The following CPM variants were observed in gnomAD, a reference collection of about 807,000 sequenced individuals.
CPM encodes the protein renal carboxypeptidase.
Under a neutral mutation model 46.4 loss-of-function variants are expected in CPM, and 35 were observed. The observed-to-expected ratio is 0.75, with a 90% CI of 0.58 to 1.00. The LOEUF is 1.00. CPM is among the 50% of genes least tolerant of loss of function. CPM has a pLI of 0.00. For missense variants in CPM, 422 were observed against 530.4 expected, an observed-to-expected ratio of 0.80 and a Z score of 2.01; for synonymous variants, 195 against 195.3, an observed-to-expected ratio of 1.00 and a Z score of 0.01.
intron 2 of CPM, among the ~76,000 whole-genome samples, chr12:68,903,876 C>CTCCTTCTTTCTT (rs1887223182): frequency 7.5e-6 from 1 of 133,210 alleles, no homozygotes; most frequent in African/African-American, 3.0e-5. Context: ...CTCCCTTTCT[C>CTCCTTCTTTCTT]TCATTCTTTC....
At position 68,899,880 on chromosome 12, in the gene CPM, G is replaced by A. The variant is rs944827070; in HGVS notation, c.161-13991C>T. ...GCATATTGGTGTTTTTTGGGATGAT[G>A]TGACATGCCATTTATCACTTCTAAT... On this transcript the variant is annotated intron_variant, in intron 2 of 8. Coordinates refer to ENST00000551568, the MANE Select transcript of CPM (RefSeq NM_198320.5). 3.3e-5 allele frequency among the ~76,000 whole-genome samples: 5 copies of A among 152,328 alleles called. No homozygotes were observed. The South Asian group carries it at 1.0e-3, about 32-fold the overall frequency.
rs547775682 is a variant in CPM, at chr12:68,856,239, C to T, written c.*198G>A. ...TGTTAGGTAAGTGTCTTCCATTCAC[C>T]GTCAAGACTGAATCATTCTTTTCAT... On this transcript the variant is annotated 3_prime_UTR_variant, in exon 9 of 9. Transcript: ENST00000551568. The T allele has an allele frequency of 1.5e-5, 9 of 609,422 alleles. No homozygotes were observed. The highest frequency in any genetic ancestry group is 4.5e-4 in the Middle Eastern group (1 of 2,230). 37.8% of individuals were successfully genotyped at this position (609,422 alleles called of 1,614,324 possible).
At chr12:68,944,757 G>A (rs2136332235) in intron 1 of CPM, among the ~76,000 whole-genome samples, 1 of 151,794 alleles carries the variant, frequency 6.6e-6, no homozygotes, top group African/African-American at 2.4e-5. Context: ...TGACAAGGCA[G>A]CAGAGCAGAA....
chr12:68,892,804 T>C (rs534036719), intron 2 of CPM, among the ~76,000 whole-genome samples: 3 of 151,948 alleles, frequency 2.0e-5, no homozygotes, highest in African/African-American at 4.8e-5. Context: ...GGTTGCACCA[T>C]TGCACTTCAG....
Position 68,932,795 on chromosome 12 carries a change from C to G in CPM, c.43G>C (p.Val15Leu). Residue 15 changes from valine to leucine, a missense_variant, in exon 2 of 9, where the codon GTA (valine) becomes CTA (leucine). Coordinates refer to ENST00000551568, the MANE Select transcript of CPM (RefSeq NM_198320.5). Reference protein sequence around the residue: ...CLWLGLLLPLVAALDFNYHRQ... With the variant: ...CLWLGLLLPLLAALDFNYHRQ... ...TGGTAGTTGAAATCCAGCGCAGCTA[C>G]CAAAGGCAGCAACAGCCCTAGCCAG... 1 of 1,614,158 alleles carries G rather than the reference C, an allele frequency of 6.2e-7. No individual in the cohort carries two copies. The highest frequency in any genetic ancestry group is 8.5e-7 in the Non-Finnish European group (1 of 1,180,012).
chr12:68,893,765 A>G (rs1219801464), intron 2 of CPM, among the ~76,000 whole-genome samples: 1 of 152,176 alleles, frequency 6.6e-6, no homozygotes, highest in Non-Finnish European at 1.5e-5. Context: ...CGTTGCACAG[A>G]TTCTGGTGTG....
rs955351765 is a variant in CPM, at chr12:68,860,899, T to C, written c.941-1828A>G. Among the ~76,000 whole-genome samples, 5 of 151,736 alleles carry C rather than the reference T, an allele frequency of 3.3e-5. No homozygotes were observed. The East Asian group carries it at 9.6e-4, about 29-fold the overall frequency. On this transcript the variant is annotated intron_variant, in intron 7 of 8. Coordinates refer to ENST00000551568, the MANE Select transcript of CPM (RefSeq NM_198320.5). The stretch of plus-strand genomic sequence containing the variant: ...TCCTTTCTTCTTCTTTTTTTTTTTT[T>C]AGACAGGGTCTTGCTCTGTCACCCA...
At chr12:68,863,681 T>C (rs1010560446) in intron 7 of CPM, among the ~76,000 whole-genome samples, 7 of 152,260 alleles carry the variant, frequency 4.6e-5, no homozygotes, top group African/African-American at 1.7e-4. Flanking sequence ...ACAAAACAGC[T>C]TGGGCTCTAC....
intron 2 of CPM, chr12:68,913,728 C>T: frequency 2.5e-6 from 1 of 403,850 alleles, no homozygotes; most frequent in South Asian, 2.1e-5. Flanking sequence ...TGGCAGACTT[C>T]AGGCTACTCA....
intron 2 of CPM, among the ~76,000 whole-genome samples, chr12:68,889,146 T>C (rs1592664239): frequency 6.6e-6 from 1 of 152,300 alleles, no homozygotes; most frequent in East Asian, 1.9e-4. Flanking sequence ...TCATTAAAGT[T>C]TGAAAGTTGC....
At chr12:68,891,846 C>G (rs1227473789) in intron 2 of CPM, among the ~76,000 whole-genome samples, 7 of 152,140 alleles carry the variant, frequency 4.6e-5, no homozygotes, top group African/African-American at 1.7e-4. Flanking sequence ...AAACGACTCT[C>G]ATGTCTCAGT....
At chr12:68,887,968 A>G (rs1020285914) in intron 2 of CPM, among the ~76,000 whole-genome samples, 5 of 152,136 alleles carry the variant, frequency 3.3e-5, no homozygotes, top group Admixed American at 6.5e-5. Flanking sequence ...TTAACCTTCC[A>G]TTCCCCAACC....
At chr12:68,910,720 T>C (rs545073881) in intron 2 of CPM, among the ~76,000 whole-genome samples, 1 of 152,282 alleles carries the variant, frequency 6.6e-6, no homozygotes, top group East Asian at 1.9e-4. Context: ...CTCAGTGGCA[T>C]TAACTAGATG....
chr12:68,942,539 T>C (rs1281270814), intron 1 of CPM, among the ~76,000 whole-genome samples: 1 of 152,216 alleles, frequency 6.6e-6, no homozygotes, highest in African/African-American at 2.4e-5. Context: ...CACTCTCTGA[T>C]TTTTAATTAT....
At chr12:68,945,576 C>T (rs1888833015) in intron 1 of CPM, among the ~76,000 whole-genome samples, 1 of 152,118 alleles carries the variant, frequency 6.6e-6, no homozygotes, top group Admixed American at 6.5e-5. Flanking sequence ...GTATGTATTC[C>T]CAGGTGCCTT....
intron 4 of CPM, 145 bp downstream of exon 4, chr12:68,871,639 C>T: frequency 1.1e-6 from 1 of 894,788 alleles, no homozygotes; most frequent in Non-Finnish European, 1.7e-6. Context: ...CCTGATGTGC[C>T]TTGAGCTTTG....
chr12:68,919,225 T>C (rs139912243), intron 2 of CPM, among the ~76,000 whole-genome samples: 265 of 152,330 alleles, frequency 1.7e-3, no homozygotes, highest in African/African-American at 5.9e-3. Flanking sequence ...GTAACTGCTA[T>C]GTTTTAGGCA....
At chr12:68,912,931 C>A (rs1887657714) in intron 2 of CPM, among the ~76,000 whole-genome samples, 1 of 152,166 alleles carries the variant, frequency 6.6e-6, no homozygotes, top group Non-Finnish European at 1.5e-5. Flanking sequence ...GAAAAGCCTT[C>A]CCCTCTGTAG....
intron 2 of CPM, among the ~76,000 whole-genome samples, chr12:68,903,262 C>A (rs1237797853): frequency 6.6e-6 from 1 of 152,170 alleles, no homozygotes; most frequent in African/African-American, 2.4e-5. Flanking sequence ...TTAAAAAAGC[C>A]ATCTTTCTCT....
Sources: gnomAD v4.1 joint callset for allele counts (sites outside exome capture counted in the v4.1 genomes callset) on GRCh38, gnomAD v4.1.1 for gene constraint, MANE v1.5 for transcripts, NCBI Gene and HGNC (gene_info 2026-07-23, HGNC 2026-07-21) for gene names.